The following ALOXE3 variants were observed in gnomAD, a reference collection of about 807,000 sequenced individuals.
ALOXE3 encodes the protein hydroperoxide isomerase ALOXE3.
In ALOXE3, 78 loss-of-function variants were observed where a neutral mutation model predicts 87.5. The ratio of observed to expected loss-of-function variants is 0.89; its 90% CI spans 0.74 to 1.08. The LOEUF is 1.08. ALOXE3 is among the 50% of genes least tolerant of loss of function. The probability of loss-of-function intolerance (pLI) is 0.00; values close to 1 mark genes in which losing one functional copy is unlikely to be tolerated. For synonymous variants in ALOXE3, 363 were observed against 370.8 expected, an observed-to-expected ratio of 0.98 and a Z score of 0.24; for missense variants, 946 against 912.4, an observed-to-expected ratio of 1.04 and a Z score of -0.47.
chr17:8,118,798 C>G (rs1484955064), upstream of ALOXE3: 1 of 1,537,086 alleles, frequency 6.5e-7, no homozygotes, highest in Admixed American at 2.0e-5. Flanking sequence ...TCCAGGACCG[C>G]CCTGGGCCTG....
intron 13 of ALOXE3, among the ~76,000 whole-genome samples, chr17:8,106,965 A>G (rs1979363394): frequency 6.6e-6 from 1 of 152,222 alleles, no homozygotes; most frequent in African/African-American, 2.4e-5. Context: ...AATGCTGTAT[A>G]TGAATCTACA....
rs199913948 is a variant in ALOXE3, at chr17:8,117,844, C to A, written c.147G>T (p.Ser49=). The A allele has an allele frequency of 5.0e-5, 81 of 1,610,346 alleles. No individual in the cohort carries two copies. In the Admixed American group the frequency reaches 1.3e-3, roughly 25 times the overall value. The change falls in exon 2 of 16, where the codon TCG becomes TCT. Residue 49 remains serine (S), a splice_region_variant and synonymous_variant. Coordinates refer to ENST00000448843, the MANE Select transcript of ALOXE3 (RefSeq NM_021628.3). ...GCTTCCCTGTCTCCTTTGTACTCAC[C>A]GATCCAGGGGCGAAGTCCCTGCCCA... ...DRMGRDFAPG[S]VQKYKVRCTA...
At position 8,107,927 on chromosome 17, in the gene ALOXE3, A is replaced by G. The variant is rs1191594222; in HGVS notation, c.1684+541T>C. ...AAAGAAAGAAAGAAAGAAAGAAAGA[A>G]AGAAAGAAAGAAAGAAAGAAAGAAA... On this transcript the variant is annotated intron_variant, in intron 13 of 15. Transcript: ENST00000448843. 5.0e-3 allele frequency among the ~76,000 whole-genome samples: 32 copies of G among 6,442 alleles called. 9 individuals carry two copies. The highest frequency in any genetic ancestry group is 0.027 in the Admixed American group (22 of 804). The allele number at this position is 6,442 out of a possible 152,430, so 4.2% of individuals were successfully genotyped here. A position where few individuals can be genotyped will look rare whatever the true frequency, so the allele number is the denominator to read the frequency against.
chr17:8,116,170 A>G (rs1345318029), intron 3 of ALOXE3, among the ~76,000 whole-genome samples: 1 of 152,222 alleles, frequency 6.6e-6, no homozygotes, highest in Non-Finnish European at 1.5e-5. Context: ...ACTTTGACCT[A>G]GAATATCCCT....
At chr17:8,112,335 G>A in intron 6 of ALOXE3, 139 bp from the exon 7 acceptor site, 1 of 684,414 alleles carries the variant, frequency 1.5e-6, no homozygotes, top group East Asian at 2.6e-5. Flanking sequence ...GGGAGAAAAA[G>A]TCTAGTACCC....
chr17:8,117,803 G>A (rs771509984), intron 2 of ALOXE3, 41 bp downstream of exon 2: 16 of 1,599,568 alleles, frequency 1.0e-5, no homozygotes, highest in Admixed American at 1.7e-5. Flanking sequence ...TGCGGCCCCT[G>A]CCCCTCTGAG....
chr17:8,118,834 G>T, upstream of ALOXE3: 1 of 1,535,942 alleles, frequency 6.5e-7, no homozygotes, highest in East Asian at 2.4e-5. Flanking sequence ...GAGCCCAGGT[G>T]TCCGGGATCT....
At chr17:8,099,387 C>T (rs1978777880) in intron 15 of ALOXE3, among the ~76,000 whole-genome samples, 1 of 151,784 alleles carries the variant, frequency 6.6e-6, no homozygotes, top group African/African-American at 2.4e-5. Context: ...ACCAGCCGGG[C>T]GCGGAGGCTC....
At chr17:8,114,347 G>T in intron 6 of ALOXE3, 137 bp downstream of exon 6, 1 of 1,227,000 alleles carries the variant, frequency 8.1e-7, no homozygotes, top group Non-Finnish European at 1.2e-6. Context: ...GCAGGGAGAG[G>T]GAATGAGTCC....
chr17:8,110,426 A>G lies in ALOXE3; in HGVS notation c.1060T>C (p.Trp354Arg). ...ACCAGCGCCCCCTGGGGGCTGAGCC[A>G]CAGCAGGCACAGTGGGGCGGCCACG... ...QYVAAPLCLLWLSPQGALVPL... is the reference protein window; with the variant it reads ...QYVAAPLCLLRLSPQGALVPL... The change falls in exon 9 of 16, where the codon TGG becomes CGG. Residue 354 changes from tryptophan (W) to arginine (R), a missense_variant. Transcript: ENST00000448843. 1 of 1,612,140 alleles carries G rather than the reference A, an allele frequency of 6.2e-7. No individual in the cohort carries two copies. The highest frequency in any genetic ancestry group is 8.5e-7 in the Non-Finnish European group (1 of 1,178,976).
chr17:8,115,480 T>G, intron 4 of ALOXE3, 127 bp downstream of exon 4: 2 of 967,416 alleles, frequency 2.1e-6, no homozygotes, highest in Non-Finnish European at 1.6e-6. Flanking sequence ...TGGGGTTAGG[T>G]CCAAATAAGA....
chr17:8,115,378 G>A (rs1980496672), intron 4 of ALOXE3, among the ~76,000 whole-genome samples: 1 of 152,164 alleles, frequency 6.6e-6, no homozygotes. Flanking sequence ...TTACATCAGG[G>A]ACAGTTGAGG....
Position 8,110,457 on chromosome 17 carries a change from C to T in ALOXE3, c.1029G>A (p.Gln343=). ...GGCACAGTGGGGCGGCCACGTACTG[C>T]TGGCGGCCGTTTAGGCAGTGGGTGG... ...EAPTHCLNGR[Q]QYVAAPLCLL... Residue 343 remains glutamine, a synonymous_variant, in exon 9 of 16, where the codon CAG becomes CAA. Coordinates refer to ENST00000448843, the MANE Select transcript of ALOXE3 (RefSeq NM_021628.3). 2 of 1,613,482 alleles carry T rather than the reference C, an allele frequency of 1.2e-6. No individual in the cohort carries two copies. Among genetic ancestry groups the T allele is most frequent in the Non-Finnish European group, 1.7e-6 (2 of 1,179,666 alleles).
Position 8,109,167 on chromosome 17 carries a change from C to T in ALOXE3, c.1562+7G>A, listed in dbSNP as rs753946891. On this transcript the variant is annotated splice_region_variant and intron_variant, in intron 12 of 15. Coordinates refer to ENST00000448843, the MANE Select transcript of ALOXE3 (RefSeq NM_021628.3). ...TGGGACTGCTGGTCCCGCCCCGCACCTCGCACCTCTCAATGGCCGCCCAGA... is the reference window on the plus strand; with the variant it reads ...TGGGACTGCTGGTCCCGCCCCGCACTTCGCACCTCTCAATGGCCGCCCAGA... 1 of 1,612,900 alleles carries T rather than the reference C, an allele frequency of 6.2e-7. No individual in the cohort carries two copies. The highest frequency in any genetic ancestry group is 1.7e-5 in the Admixed American group (1 of 60,032).
At chr17:8,109,787 AT>A in intron 11 of ALOXE3, 128 bp downstream of exon 11, 1 of 925,280 alleles carries the variant, frequency 1.1e-6, no homozygotes, top group Non-Finnish European at 1.6e-6. Context: ...AGAGGCAGTG[AT>A]TGTACAGGTG....
Position 8,109,949 on chromosome 17 carries a change from G to A in ALOXE3, c.1359C>T (p.Ala453=). ...YTLQVNTIAR[A]TLLNPEGLVD... is the part of the protein sequence containing the mutation. ...CGAGGCCCTCGGGGTTGAGCAGCGTGGCCCTCGCGATGGTGTTCACCTGCA... is the reference window on the plus strand; with the variant it reads ...CGAGGCCCTCGGGGTTGAGCAGCGTAGCCCTCGCGATGGTGTTCACCTGCA... Residue 453 remains alanine (A), a synonymous_variant, in exon 11 of 16, where the codon GCC becomes GCT. Transcript: ENST00000448843. 2.6e-6 allele frequency: 4 copies of A among 1,551,326 alleles called. No homozygotes were observed. Among genetic ancestry groups the A allele is most frequent in the Non-Finnish European group, 3.5e-6 (4 of 1,146,864 alleles).
chr17:8,103,846 C>T (rs1320740874), intron 14 of ALOXE3, among the ~76,000 whole-genome samples: 1 of 152,138 alleles, frequency 6.6e-6, no homozygotes, highest in Non-Finnish European at 1.5e-5. Context: ...CAAGCTGCTA[C>T]TCCACCTGGC....
chr17:8,097,388 C>T (rs924429084), intron 15 of ALOXE3, among the ~76,000 whole-genome samples: 2 of 152,284 alleles, frequency 1.3e-5, no homozygotes, highest in Admixed American at 6.5e-5. Flanking sequence ...TCAAAGTAAA[C>T]ACTGCCCAGG....
In ALOXE3 at chr17:8,107,966, G is replaced by GAAGGAA. The variant is rs201702875; in HGVS notation, c.1684+501_1684+502insTTCCTT. On this transcript the variant is annotated intron_variant, in intron 13 of 15. Transcript: ENST00000448843. ...GAAAGAAAGAAAGAAAGAAAGGAAGGAGAGAGAGAGAGAGAGAAAGAAAGA... is the reference window on the plus strand; with the variant it reads ...GAAAGAAAGAAAGAAAGAAAGGAAGGAAGGAAAGAGAGAGAGAGAGAGAAAGAAAGA... Among the ~76,000 whole-genome samples the GAAGGAA allele has an allele frequency of 7.7e-4, 5 of 6,478 alleles. 2 individuals are homozygous for GAAGGAA. The South Asian group carries it at 0.023, about 29-fold the overall frequency. The allele number at this position is 6,478 out of a possible 152,430, so 4.2% of individuals were successfully genotyped here. A position where few individuals can be genotyped will look rare whatever the true frequency, so the allele number is the denominator to read the frequency against.
Sources: allele counts gnomAD v4.1 joint callset (sites outside exome capture counted in the v4.1 genomes callset), GRCh38; gene constraint gnomAD v4.1.1; transcripts MANE v1.5; gene names NCBI Gene and HGNC (gene_info 2026-07-23, HGNC 2026-07-21).